Variants in NCALD observed in about 807,000 individuals in gnomAD.
NCALD encodes the protein neurocalcin-delta.
A neutral mutation model predicts 18.6 loss-of-function variants in NCALD; 10 were observed. The ratio of observed to expected loss-of-function variants is 0.54; its 90% CI spans 0.33 to 0.91. The LOEUF is 0.91. Among genes scored for constraint, NCALD ranks in the 40% least tolerant of loss-of-function variants. The pLI is 0.03. For missense variants in NCALD, 184 were observed against 247.6 expected, an observed-to-expected ratio of 0.74 and a Z score of 1.72; for synonymous variants, 88 against 87.4, an observed-to-expected ratio of 1.01 and a Z score of -0.04.
chr8:102,085,378 C>A (rs11777456), intron 1 of NCALD, among the ~76,000 whole-genome samples: 52,782 of 152,108 alleles, frequency 0.35, 10,705 homozygotes, highest in African/African-American at 0.57. Context: ...ATCTATGCAG[C>A]ATAAACAGTA....
At chr8:102,008,474 TAAAAA>T (rs34867950) in intron 2 of NCALD, among the ~76,000 whole-genome samples, 1 of 133,360 alleles carries the variant, frequency 7.5e-6, no homozygotes, top group Admixed American at 7.6e-5. Context: ...TAAAGGCAGT[TAAAAA>T]AAAAAAAAAA....
intron 1 of NCALD, among the ~76,000 whole-genome samples, chr8:102,074,220 A>G (rs1427529844): frequency 2.0e-5 from 3 of 152,174 alleles, no homozygotes; most frequent in African/African-American, 4.8e-5. Flanking sequence ...AAATCACCCA[A>G]TCATCAGATG....
chr8:101,918,630 T>C (rs537925043), intron 2 of NCALD, among the ~76,000 whole-genome samples: 2 of 152,198 alleles, frequency 1.3e-5, no homozygotes, highest in African/African-American at 4.8e-5. Flanking sequence ...ATAAACTTCT[T>C]CAGTAAAGTT....
intron 1 of NCALD, chr8:101,788,923 CT>C: frequency 6.6e-6 from 1 of 151,288 alleles, no homozygotes; most frequent in East Asian, 1.9e-4. Flanking sequence ...TAGAGCATCT[CT>C]GCTTTCACAG....
At chr8:101,702,307 T>G (rs1237896880) in intron 2 of NCALD, among the ~76,000 whole-genome samples, 2 of 151,966 alleles carry the variant, frequency 1.3e-5, no homozygotes, top group Non-Finnish European at 1.5e-5. Flanking sequence ...GATAGCTCAC[T>G]GTAGCTTCGG....
intron 2 of NCALD, among the ~76,000 whole-genome samples, chr8:102,001,394 G>A (rs549599588): frequency 1.2e-4 from 18 of 152,322 alleles, no homozygotes; most frequent in Non-Finnish European, 2.1e-4. Context: ...CCAAATCTAC[G>A]TCTGATTGGT....
intron 1 of NCALD, among the ~76,000 whole-genome samples, chr8:102,115,461 G>A (rs551393033): frequency 3.9e-5 from 6 of 152,236 alleles, no homozygotes; most frequent in South Asian, 2.1e-4. Flanking sequence ...CAGTTAATGC[G>A]ATCAATGCAG....
chr8:101,762,647 T>G (rs1019529942), intron 1 of NCALD, among the ~76,000 whole-genome samples: 32 of 151,506 alleles, frequency 2.1e-4, no homozygotes, highest in African/African-American at 7.5e-4. Context: ...TGATATCGAC[T>G]CACTGCAACC....
intron 4 of NCALD, among the ~76,000 whole-genome samples, chr8:101,851,590 T>C (rs1167196059): frequency 1.3e-5 from 2 of 152,182 alleles, no homozygotes; most frequent in Non-Finnish European, 2.9e-5. Flanking sequence ...AACTCTGTCT[T>C]GGATTTGCCC....
chr8:101,994,925 AAG>A (rs1821182421), intron 2 of NCALD, among the ~76,000 whole-genome samples: 1 of 152,248 alleles, frequency 6.6e-6, no homozygotes. Flanking sequence ...TAAAATTTGA[AAG>A]AAAAATAACA....
intron 2 of NCALD, among the ~76,000 whole-genome samples, chr8:102,006,308 C>A (rs1029577558): frequency 2.5e-4 from 38 of 151,750 alleles, no homozygotes; most frequent in South Asian, 8.3e-4. Flanking sequence ...TTCATTGGTT[C>A]TCTTTTTTTT....
intron 1 of NCALD, among the ~76,000 whole-genome samples, chr8:101,770,050 T>C (rs141624384): frequency 1.3e-5 from 2 of 152,300 alleles, no homozygotes; most frequent in Non-Finnish European, 2.9e-5. Flanking sequence ...AAGAGGCCTA[T>C]AGTTGTAAAA....
chr8:101,738,565 AAAAAAAAGAAGAAGAAG>A (rs1269946065), intron 1 of NCALD, among the ~76,000 whole-genome samples: 84 of 151,770 alleles, frequency 5.5e-4, no homozygotes, highest in South Asian at 3.3e-3. Flanking sequence ...AAAAAAAAAA[AAAAAAAAGAAGAAGAAG>A]AAGAAAAAAA....
chr8:101,757,653 C>A (rs1810944349), intron 1 of NCALD, among the ~76,000 whole-genome samples: 1 of 152,032 alleles, frequency 6.6e-6, no homozygotes, highest in African/African-American at 2.4e-5. Context: ...CACCCCAGTT[C>A]TAGATGGTAG....
intron 2 of NCALD, among the ~76,000 whole-genome samples, chr8:101,941,890 C>T (rs537470395): frequency 6.6e-6 from 1 of 152,292 alleles, no homozygotes; most frequent in East Asian, 1.9e-4. Flanking sequence ...ATAAGGAAAA[C>T]CAAAACCAGT....
In NCALD at chr8:101,880,000, G is replaced by A. The variant is rs538627527; in HGVS notation, c.-20+7141C>T. On this transcript the variant is annotated intron_variant, in intron 4 of 6. Coordinates refer to the NCALD transcript ENST00000311028. The stretch of plus-strand genomic sequence containing the variant: ...TGCCTGCACTCCTCAGCCCTTGGGC[G>A]GTGGATGGGACTGGGCGCCGTGGAG... Among the ~76,000 whole-genome samples the A allele has an allele frequency of 1.4e-4, 21 of 152,090 alleles. No individual in the cohort carries two copies. In the South Asian group the frequency reaches 1.9e-3, roughly 14 times the overall value.
rs1814566212 is a variant in NCALD, at chr8:101,688,611, G to A, written c.*698C>T. 2 of 456,830 alleles carry A rather than the reference G, an allele frequency of 4.4e-6. No homozygotes were observed. The highest frequency in any genetic ancestry group is 8.8e-6 in the Non-Finnish European group (2 of 227,314). 28.3% of individuals were successfully genotyped at this position (456,830 alleles called of 1,614,324 possible). On this transcript the variant is annotated 3_prime_UTR_variant, in exon 4 of 4. Coordinates refer to ENST00000220931, the MANE Select transcript of NCALD (RefSeq NM_032041.3). ...ATTTTATCACAATAGGCAACAAGATGGGTCTGGTTTTGGAATATGTTACCA... is the reference window on the plus strand; with the variant it reads ...ATTTTATCACAATAGGCAACAAGATAGGTCTGGTTTTGGAATATGTTACCA...
chr8:102,024,354 T>C (rs1822382598), intron 1 of NCALD, among the ~76,000 whole-genome samples: 1 of 152,232 alleles, frequency 6.6e-6, no homozygotes, highest in African/African-American at 2.4e-5. Flanking sequence ...ACTTGCTTAA[T>C]AAATACCATG....
chr8:101,973,750 T>A (rs1350789210), intron 2 of NCALD, among the ~76,000 whole-genome samples: 4 of 152,158 alleles, frequency 2.6e-5, no homozygotes, highest in African/African-American at 9.7e-5. Context: ...GACCACAAGC[T>A]TCTAACGTTG....
Sources: allele counts gnomAD v4.1 joint callset (sites outside exome capture counted in the v4.1 genomes callset), GRCh38; gene constraint gnomAD v4.1.1; transcripts MANE v1.5; gene names NCBI Gene and HGNC (gene_info 2026-07-23, HGNC 2026-07-21).